DIS3L2: variants seen among roughly 807,000 people sequenced by gnomAD.
The protein encoded by DIS3L2 is DIS3-like exonuclease 2.
DIS3L2 carries 34 observed loss-of-function variants against 97.5 expected under a neutral mutation model. That is an observed-to-expected ratio of 0.35 (90% CI 0.27 to 0.46). The LOEUF (loss-of-function observed/expected upper bound fraction) is 0.46. Among genes scored for constraint, DIS3L2 ranks in the 20% least tolerant of loss-of-function variants. The pLI is 1.00. For synonymous variants in DIS3L2, 435 were observed against 445.2 expected, an observed-to-expected ratio of 0.98 and a Z score of 0.29; for missense variants, 1,038 against 1,146.0, an observed-to-expected ratio of 0.91 and a Z score of 1.36.
At chr2:232,277,377 C>T (rs898228734) in intron 13 of DIS3L2, among the ~76,000 whole-genome samples, 1 of 152,158 alleles carries the variant, frequency 6.6e-6, no homozygotes, top group African/African-American at 2.4e-5. Context: ...CCAGTTTTTG[C>T]TGTTATAAAT....
rs749697162 is a variant in DIS3L2 at position 232,333,969 on chromosome 2, C to T, written c.2140C>T (p.Leu714Phe). 2 of 1,611,994 alleles carry T rather than the reference C, an allele frequency of 1.2e-6. No homozygotes were observed. The highest frequency in any genetic ancestry group is 1.1e-5 in the South Asian group (1 of 90,990). ...RRFADVLVHR[L>F]LAAALGYRER... The stretch of plus-strand genomic sequence containing the variant: ...CTTTGCCGACGTCCTGGTGCACCGC[C>T]TCCTGGCTGCCGCGTTAGGTGAGGG... The change falls in exon 17 of 21, where the codon CTC becomes TTC. Residue 714 changes from leucine (L) to phenylalanine (F), a missense_variant. Around this residue, in one of 3 missense-constraint regions of DIS3L2, gnomAD observed 221 missense variants for 246.9 expected, o/e 0.90. Coordinates refer to ENST00000325385, the MANE Select transcript of DIS3L2 (RefSeq NM_152383.5).
chr2:232,123,427 G>T (rs1282034547), intron 6 of DIS3L2, among the ~76,000 whole-genome samples: 1 of 152,060 alleles, frequency 6.6e-6, no homozygotes, highest in Non-Finnish European at 1.5e-5. Flanking sequence ...ATCCGACAGT[G>T]CCTTAATGGA....
chr2:232,332,503 G>A (rs569122360), intron 16 of DIS3L2, among the ~76,000 whole-genome samples: 371 of 151,398 alleles, frequency 2.5e-3, no homozygotes, highest in African/African-American at 8.6e-3. Flanking sequence ...CCGTTCACTC[G>A]CTCCCAGGCA....
chr2:232,240,090 G>T (rs1192845094), intron 11 of DIS3L2, among the ~76,000 whole-genome samples: 1 of 152,130 alleles, frequency 6.6e-6, no homozygotes, highest in Non-Finnish European at 1.5e-5. Context: ...GCCTAGATGG[G>T]CTCTCTTGTC....
chr2:232,300,028 C>G lies in DIS3L2; in HGVS notation c.1660-12C>G, dbSNP rs1206839935. On this transcript the variant is annotated splice_polypyrimidine_tract_variant and intron_variant, in intron 13 of 20. Coordinates refer to ENST00000325385, the MANE Select transcript of DIS3L2 (RefSeq NM_152383.5). Reference sequence around the variant, plus strand: ...TGCCTAAAACTTCTTTTTCTCTTCTCTCTCTCTTCAGCTAAAGCTTGCTTT... The same window carrying G: ...TGCCTAAAACTTCTTTTTCTCTTCTGTCTCTCTTCAGCTAAAGCTTGCTTT... 2 of 1,612,402 alleles carry G rather than the reference C, an allele frequency of 1.2e-6. No homozygotes were observed. Among genetic ancestry groups the G allele is most frequent in the Non-Finnish European group, 1.7e-6 (2 of 1,178,740 alleles).
At position 232,330,784 on chromosome 2, in the gene DIS3L2, G is replaced by A. The variant is rs202229172; in HGVS notation, c.2010+8G>A. The A allele has an allele frequency of 8.7e-6, 14 of 1,608,736 alleles. No individual in the cohort carries two copies. In the Admixed American group the frequency reaches 1.7e-4, roughly 19 times the overall value. ...TGCTCCCGGCCCATGCAGGTAAGGA[G>A]GGCCCAGCCCCGGCCTCCCCTGCTC... On this transcript the variant is annotated splice_region_variant and intron_variant, in intron 16 of 20. Transcript: ENST00000325385.
chr2:232,087,097 T>G (rs557971525), intron 5 of DIS3L2, among the ~76,000 whole-genome samples: 1 of 152,324 alleles, frequency 6.6e-6, no homozygotes, highest in South Asian at 2.1e-4. Flanking sequence ...TTAGGAACAC[T>G]GTGGCATACT....
chr2:232,077,906 T>C (rs1174736137), intron 5 of DIS3L2, among the ~76,000 whole-genome samples: 1 of 152,200 alleles, frequency 6.6e-6, no homozygotes, highest in Non-Finnish European at 1.5e-5. Context: ...GGCCCTTTAC[T>C]GTACTTTGTT....
intron 8 of DIS3L2, among the ~76,000 whole-genome samples, chr2:232,154,156 C>T (rs1265794501): frequency 2.6e-3 from 123 of 48,070 alleles, no homozygotes; most frequent in African/African-American, 0.01. Flanking sequence ...GAATGTCCTC[C>T]CGTAGCTCAG....
chr2:232,104,073 T>G (rs1697288067), intron 6 of DIS3L2, among the ~76,000 whole-genome samples: 1 of 152,208 alleles, frequency 6.6e-6, no homozygotes, highest in Non-Finnish European at 1.5e-5. Flanking sequence ...CTGCCATTTT[T>G]GTTTATTATA....
At chr2:232,067,562 A>G (rs1420882930) in intron 5 of DIS3L2, among the ~76,000 whole-genome samples, 1 of 152,296 alleles carries the variant, frequency 6.6e-6, no homozygotes, top group South Asian at 2.1e-4. Context: ...CATATGGTCT[A>G]TTGTGGTAAA....
At chr2:232,124,596 C>T (rs958466634) in intron 6 of DIS3L2, among the ~76,000 whole-genome samples, 27 of 151,978 alleles carry the variant, frequency 1.8e-4, no homozygotes, top group African/African-American at 4.8e-5. Flanking sequence ...ACATAGAGAA[C>T]AGAGTGAGAA....
intron 5 of DIS3L2, among the ~76,000 whole-genome samples, chr2:232,069,106 C>T (rs910130797): frequency 3.3e-5 from 5 of 152,106 alleles, no homozygotes; most frequent in East Asian, 1.9e-4. Flanking sequence ...CGTGAGCCAC[C>T]GAGTCTGGCC....
At chr2:232,000,678 CTCTT>C (rs1255786514) in intron 1 of DIS3L2, among the ~76,000 whole-genome samples, 1 of 125,232 alleles carries the variant, frequency 8.0e-6, no homozygotes, top group East Asian at 2.2e-4. Context: ...CTCTCTTTCT[CTCTT>C]TCTGTCTTTC....
intron 6 of DIS3L2, among the ~76,000 whole-genome samples, chr2:232,122,162 C>T (rs1231553879): frequency 6.6e-6 from 1 of 152,182 alleles, no homozygotes; most frequent in African/African-American, 2.4e-5. Context: ...TCTTGTTCCT[C>T]CTTACTCTGC....
At chr2:232,081,580 C>T (rs3100584) in intron 5 of DIS3L2, among the ~76,000 whole-genome samples, 141,643 of 152,224 alleles carry the variant, frequency 0.93, 65,977 homozygotes, top group East Asian at 1. Context: ...AGGTACAGTT[C>T]GTACAGGCCA....
At chr2:232,088,390 C>CAAAAAAAA (rs778505065) in intron 6 of DIS3L2, among the ~76,000 whole-genome samples, 192 of 55,570 alleles carry the variant, frequency 3.5e-3, no homozygotes, top group African/African-American at 5.9e-3. Context: ...ACTAAAAATA[C>CAAAAAAAA]AAAAAAAAAA....
intron 14 of DIS3L2, among the ~76,000 whole-genome samples, chr2:232,315,788 G>T (rs1695255566): frequency 6.6e-6 from 1 of 152,202 alleles, no homozygotes; most frequent in Admixed American, 6.5e-5. Flanking sequence ...CATGCCCACT[G>T]AATTAAGCAA....
intron 10 of DIS3L2, among the ~76,000 whole-genome samples, chr2:232,226,436 A>G (rs1322062027): frequency 6.6e-6 from 1 of 152,224 alleles, no homozygotes; most frequent in South Asian, 2.1e-4. Flanking sequence ...AAATGTAAAT[A>G]TTAATAGTAC....
Sources: allele counts gnomAD v4.1 joint callset (sites outside exome capture counted in the v4.1 genomes callset), GRCh38; gene constraint gnomAD v4.1.1; regional missense constraint gnomAD v4.1.1; transcripts MANE v1.5; gene names NCBI Gene and HGNC (gene_info 2026-07-23, HGNC 2026-07-21).